The following DOCK4 variants were observed in gnomAD, a reference collection of about 807,000 sequenced individuals.
DOCK4 encodes the protein dedicator of cytokinesis 4, also known as dedicator of cytokinesis protein 4.
A neutral mutation model predicts 268.1 loss-of-function variants in DOCK4; 97 were observed. The ratio of observed to expected loss-of-function variants is 0.36; its 90% CI spans 0.31 to 0.43. DOCK4 has a LOEUF of 0.43. Among genes scored for constraint, DOCK4 ranks in the 20% least tolerant of loss-of-function variants. The probability of loss-of-function intolerance (pLI) is 1.00; values close to 1 mark genes in which losing one functional copy is unlikely to be tolerated. For synonymous variants in DOCK4, 954 were observed against 887.2 expected, an observed-to-expected ratio of 1.08 and a Z score of -1.34; for missense variants, 2,145 against 2,455.7, an observed-to-expected ratio of 0.87 and a Z score of 2.67.
At chr7:112,122,065 T>C (rs1383281311) in intron 1 of DOCK4, among the ~76,000 whole-genome samples, 1 of 152,234 alleles carries the variant, frequency 6.6e-6, no homozygotes, top group African/African-American at 2.4e-5. Context: ...CTGCTTTGTC[T>C]GATATTAACA....
chr7:111,773,504 C>A lies in DOCK4; in HGVS notation c.3680-3827G>T, dbSNP rs139197551. Reference sequence around the variant, plus strand: ...TTATATATCTGGAGTAGCTTATCCTCACTTACCTCCCGCATTTCTCTTTTT... The same window carrying A: ...TTATATATCTGGAGTAGCTTATCCTAACTTACCTCCCGCATTTCTCTTTTT... On this transcript the variant is annotated intron_variant, in intron 36 of 52. Coordinates refer to ENST00000428084, the MANE Select transcript of DOCK4 (RefSeq NM_001363540.2). Among the ~76,000 whole-genome samples the A allele has an allele frequency of 3.3e-3, 495 of 152,274 alleles. 6 individuals are homozygous for A. Among genetic ancestry groups the A allele is most frequent in the African/African-American group, 0.011 (458 of 41,552 alleles).
chr7:112,144,190 C>T (rs58196224), intron 1 of DOCK4, among the ~76,000 whole-genome samples: 41,178 of 152,002 alleles, frequency 0.27, 6,513 homozygotes, highest in East Asian at 0.48. Flanking sequence ...ACATACAAGA[C>T]ACATGGACAC....
chr7:111,889,314 C>T (rs1808102407), intron 16 of DOCK4, among the ~76,000 whole-genome samples: 1 of 152,036 alleles, frequency 6.6e-6, no homozygotes, highest in South Asian at 2.1e-4. Flanking sequence ...ATGTTCCTGG[C>T]TTGTCTAAGA....
At chr7:111,991,053 G>A (rs1207094042) in intron 5 of DOCK4, among the ~76,000 whole-genome samples, 2 of 152,162 alleles carry the variant, frequency 1.3e-5, no homozygotes, top group African/African-American at 2.4e-5. Flanking sequence ...GAGACACAGC[G>A]CCTTTTTGAA....
intron 30 of DOCK4, chr7:111,807,790 TA>T (rs1800792275): frequency 6.6e-6 from 1 of 152,100 alleles, no homozygotes; most frequent in Non-Finnish European, 1.5e-5. Flanking sequence ...TATTTTTTTT[TA>T]TTTTTTATTT....
At chr7:111,767,326 A>T (rs1797825776) in intron 37 of DOCK4, among the ~76,000 whole-genome samples, 1 of 148,770 alleles carries the variant, frequency 6.7e-6, no homozygotes, top group Non-Finnish European at 1.5e-5. Context: ...TCCCTAGTTC[A>T]AGCGATTCTC....
chr7:111,837,260 C>G (rs530427755), intron 25 of DOCK4, among the ~76,000 whole-genome samples: 88 of 152,042 alleles, frequency 5.8e-4, no homozygotes, highest in Non-Finnish European at 9.3e-4. Flanking sequence ...AAAAAAAACC[C>G]CAAAAACTAT....
At chr7:111,807,167 C>T (rs545304152) in intron 30 of DOCK4, among the ~76,000 whole-genome samples, 2 of 152,290 alleles carry the variant, frequency 1.3e-5, no homozygotes, top group South Asian at 4.1e-4. Flanking sequence ...AGAATCTGTC[C>T]TGCTCTCATA....
At chr7:112,006,401 C>G (rs1018510255) in intron 1 of DOCK4, among the ~76,000 whole-genome samples, 1 of 152,062 alleles carries the variant, frequency 6.6e-6, no homozygotes, top group Non-Finnish European at 1.5e-5. Context: ...ATCTAAGAAC[C>G]AAAAACTGCA....
intron 1 of DOCK4, among the ~76,000 whole-genome samples, chr7:112,026,399 C>T (rs938046082): frequency 1.3e-5 from 2 of 152,044 alleles, no homozygotes; most frequent in Non-Finnish European, 2.9e-5. Flanking sequence ...CCTGAAACAT[C>T]CCCCCCACTC....
intron 36 of DOCK4, among the ~76,000 whole-genome samples, chr7:111,770,889 T>C (rs1798086360): frequency 6.6e-6 from 1 of 152,246 alleles, no homozygotes; most frequent in Non-Finnish European, 1.5e-5. Context: ...GCCATCTCCA[T>C]GTAAAAAAGA....
chr7:111,887,779 G>C (rs1433701374), intron 16 of DOCK4, among the ~76,000 whole-genome samples: 7 of 129,962 alleles, frequency 5.4e-5, no homozygotes, highest in Non-Finnish European at 1.1e-4. Context: ...AAAAAAAAAG[G>C]CTTGAGCATG....
intron 36 of DOCK4, among the ~76,000 whole-genome samples, chr7:111,772,884 A>G (rs1798211424): frequency 6.6e-6 from 1 of 152,140 alleles, no homozygotes; most frequent in Admixed American, 6.6e-5. Flanking sequence ...TTGCCCTTGG[A>G]AGGTCCTGGG....
chr7:111,921,743 G>T (rs529085512), intron 12 of DOCK4, among the ~76,000 whole-genome samples: 1 of 152,128 alleles, frequency 6.6e-6, no homozygotes, highest in Non-Finnish European at 1.5e-5. Context: ...CAAAGGAAGT[G>T]TCAGCTGCTA....
intron 8 of DOCK4, among the ~76,000 whole-genome samples, chr7:111,974,496 G>A (rs1181557434): frequency 1.7e-5 from 1 of 60,086 alleles, no homozygotes; most frequent in Non-Finnish European, 3.1e-5. Context: ...AGAGGGATGT[G>A]TGTGTGTGTG....
chr7:111,998,362 C>A, intron 4 of DOCK4, 86 bp downstream of exon 4: 1 of 1,079,688 alleles, frequency 9.3e-7, no homozygotes, highest in Non-Finnish European at 1.3e-6. Flanking sequence ...GTTCATTTTT[C>A]AAGACAATTA....
rs148034394 is a variant in DOCK4, at chr7:111,788,356, A to G, written c.3401+306T>C. 1.6e-3 allele frequency: 500 copies of G among 308,636 alleles called. 2 individuals are homozygous for G. The highest frequency in any genetic ancestry group is 9.7e-3 in the African/African-American group (465 of 48,102). The allele number at this position is 308,636 out of a possible 1,614,324, so 19.1% of individuals were successfully genotyped here. ...TCCTCTCCCACTTATAACCCCACTTAAAATCATTATCTTGCAGGAATGGTT... is the reference window on the plus strand; with the variant it reads ...TCCTCTCCCACTTATAACCCCACTTGAAATCATTATCTTGCAGGAATGGTT... On this transcript the variant is annotated intron_variant, in intron 32 of 52. Transcript: ENST00000428084.
chr7:111,873,502 C>T (rs1375124376), intron 17 of DOCK4, among the ~76,000 whole-genome samples: 3 of 151,986 alleles, frequency 2.0e-5, no homozygotes, highest in Non-Finnish European at 4.4e-5. Flanking sequence ...CTAGACTGGC[C>T]GAGAGAGGAG....
At chr7:111,885,586 C>A (rs1434584213) in intron 16 of DOCK4, among the ~76,000 whole-genome samples, 2 of 152,148 alleles carry the variant, frequency 1.3e-5, no homozygotes, top group African/African-American at 2.4e-5. Context: ...CCAGGGGAAA[C>A]AAGGCAATGT....
Sources: gnomAD v4.1 joint callset for allele counts (sites outside exome capture counted in the v4.1 genomes callset) on GRCh38, gnomAD v4.1.1 for gene constraint, MANE v1.5 for transcripts, NCBI Gene and HGNC (gene_info 2026-07-23, HGNC 2026-07-21) for gene names.